ASAP3: variants seen among roughly 807,000 people sequenced by gnomAD.
ASAP3 encodes arf-GAP with SH3 domain, ANK repeat and PH domain-containing protein 3.
In ASAP3, 85 loss-of-function variants were observed where a neutral mutation model predicts 118.2. The observed-to-expected ratio is 0.72, with a 90% CI of 0.60 to 0.86. The LOEUF is 0.86. Ranked by LOEUF, ASAP3 falls within the 40% of genes least tolerant of loss-of-function variation. The probability of loss-of-function intolerance (pLI) is 0.00; values close to 1 mark genes in which losing one functional copy is unlikely to be tolerated. For missense variants in ASAP3, 1,026 were observed against 1,175.0 expected, an observed-to-expected ratio of 0.87 and a Z score of 1.85; for synonymous variants, 432 against 477.4, an observed-to-expected ratio of 0.90 and a Z score of 1.24.
chr1:23,438,927 T>A lies in ASAP3; in HGVS notation c.1015-93A>T. 7.6e-7 allele frequency: 1 copy of A among 1,321,318 alleles called. No individual in the cohort carries two copies. The highest frequency in any genetic ancestry group is 1.8e-5 in the Admixed American group (1 of 55,508). 81.8% of individuals were successfully genotyped at this position (1,321,318 alleles called of 1,614,324 possible). ...TTCCCACTCTGTTAAATGGGCATAA[T>A]CATCCTGTTCCATTTGTGTTTCTCC... On this transcript the variant is annotated intron_variant, in intron 11 of 24. Coordinates refer to ENST00000336689, the MANE Select transcript of ASAP3 (RefSeq NM_017707.4). The surrounding 1 kb of genome is among the most constrained non-coding windows in gnomAD (Gnocchi z 4.9).
At chr1:23,453,862 A>G (rs1641300351) in intron 3 of ASAP3, among the ~76,000 whole-genome samples, 1 of 151,920 alleles carries the variant, frequency 6.6e-6, no homozygotes. Context: ...TCTCTCCCCC[A>G]CTAGACTGTG....
At chr1:23,471,943 C>A (rs1641973663) in intron 1 of ASAP3, among the ~76,000 whole-genome samples, 1 of 152,102 alleles carries the variant, frequency 6.6e-6, no homozygotes, top group Non-Finnish European at 1.5e-5. Flanking sequence ...ACAACCCAGA[C>A]AACACGGATG....
chr1:23,435,970 A>C lies in ASAP3; in HGVS notation c.1630T>G (p.Cys544Gly), dbSNP rs749884891. Residue 544 changes from cysteine to glycine, a missense_variant, in exon 17 of 25, where the codon TGC becomes GGC. By Grantham distance (159) the Cys-to-Gly change is radical. Coordinates refer to ENST00000336689, the MANE Select transcript of ASAP3 (RefSeq NM_017707.4). ...KYVEHRFARR[C>G]TPEPQRLWTA... is the part of the protein sequence containing the mutation. ...CAGAGTCGCTGAGGCTCAGGTGTGC[A>C]CCGGCGTGCAAACCTATGCTCCACA... 6.2e-6 allele frequency: 10 copies of C among 1,614,150 alleles called. No individual in the cohort carries two copies. The highest frequency in any genetic ancestry group is 7.6e-6 in the Non-Finnish European group (9 of 1,180,050).
At chr1:23,441,510 C>A (rs533041429) in intron 8 of ASAP3, 37 bp from the exon 9 acceptor site, 2 of 1,611,790 alleles carry the variant, frequency 1.2e-6, no homozygotes, top group African/African-American at 2.7e-5. Context: ...CACCAGCCAA[C>A]AAATATGTCA....
At position 23,441,492 on chromosome 1, in the gene ASAP3, G is replaced by C; in HGVS notation, c.748-19C>G. 1 of 1,613,496 alleles carries C rather than the reference G, an allele frequency of 6.2e-7. No homozygotes were observed. The highest frequency in any genetic ancestry group is 8.5e-7 in the Non-Finnish European group (1 of 1,179,598). On this transcript the variant is annotated intron_variant, in intron 8 of 24. Coordinates refer to ENST00000336689, the MANE Select transcript of ASAP3 (RefSeq NM_017707.4). The stretch of plus-strand genomic sequence containing the variant: ...GATGGAGCTATGGGACAGAGGATGG[G>C]ATCCCATCACCAGCCAACAAATATG...
At position 23,436,841 on chromosome 1, in the gene ASAP3, C is replaced by A; in HGVS notation, c.1476+70G>T. 1.3e-6 allele frequency: 2 copies of A among 1,570,482 alleles called. No homozygotes were observed. Among genetic ancestry groups the A allele is most frequent in the South Asian group, 2.4e-5 (2 of 84,714 alleles). On this transcript the variant is annotated intron_variant, in intron 15 of 24. Coordinates refer to ENST00000336689, the MANE Select transcript of ASAP3 (RefSeq NM_017707.4). The surrounding 1 kb of genome is among the most constrained non-coding windows in gnomAD (Gnocchi z 4.2). ...CCAGGTCCCACCCACAACCTGCAAG[C>A]CCCGCCCCCGGATGAAACTACACCC...
In ASAP3 at chr1:23,441,757, G is replaced by A. The variant is rs371089923; in HGVS notation, c.672-27C>T. The A allele has an allele frequency of 2.5e-5, 41 of 1,612,762 alleles. No individual in the cohort carries two copies. In the African/African-American group the frequency reaches 4.8e-4, roughly 19 times the overall value. On this transcript the variant is annotated intron_variant, in intron 7 of 24. Transcript: ENST00000336689. Reference sequence around the variant, plus strand: ...TAAGAGGTGTCAGAGGCCAAACAAGGGTCCAGATAAAGATGGAAATGAGAG... The same window carrying A: ...TAAGAGGTGTCAGAGGCCAAACAAGAGTCCAGATAAAGATGGAAATGAGAG...
At chr1:23,448,016 TC>T (rs1641101227) in intron 5 of ASAP3, among the ~76,000 whole-genome samples, 1 of 152,208 alleles carries the variant, frequency 6.6e-6, no homozygotes, top group African/African-American at 2.4e-5. Context: ...TCCCATTCCT[TC>T]CCTATCCTCA....
chr1:23,452,469 G>A (rs986665777), intron 4 of ASAP3, among the ~76,000 whole-genome samples: 4 of 152,122 alleles, frequency 2.6e-5, no homozygotes, highest in African/African-American at 9.7e-5. Flanking sequence ...CTCATAGGAT[G>A]GTTGTAAGAT....
chr1:23,460,946 T>G (rs1173583960), intron 1 of ASAP3, among the ~76,000 whole-genome samples: 7 of 152,092 alleles, frequency 4.6e-5, no homozygotes, highest in African/African-American at 1.4e-4. Context: ...CATCACTAAG[T>G]GAAAGAAGCC....
intron 3 of ASAP3, among the ~76,000 whole-genome samples, chr1:23,453,727 C>G (rs971907932): frequency 6.6e-6 from 1 of 152,192 alleles, no homozygotes; most frequent in Non-Finnish European, 1.5e-5. Context: ...CTCCTCCCGC[C>G]TGGTCTATGC....
intron 3 of ASAP3, among the ~76,000 whole-genome samples, chr1:23,454,319 T>C (rs1641316472): frequency 6.6e-6 from 1 of 152,066 alleles, no homozygotes; most frequent in African/African-American, 2.4e-5. Context: ...CCTGAGTAGC[T>C]GGGATTACAG....
chr1:23,442,674 A>G, intron 5 of ASAP3, 62 bp from the exon 6 acceptor site: 1 of 1,571,542 alleles, frequency 6.4e-7, no homozygotes, highest in Non-Finnish European at 8.6e-7. Flanking sequence ...CTCTTCTGCC[A>G]AGGATGCATG....
At chr1:23,456,282 C>T in intron 1 of ASAP3, 88 bp from the exon 2 acceptor site, 1 of 1,233,064 alleles carries the variant, frequency 8.1e-7, no homozygotes, top group Non-Finnish European at 1.2e-6. Flanking sequence ...ATTTCCACCC[C>T]CCAACCGCCC....
At chr1:23,482,906 C>G (rs1226990175) in intron 1 of ASAP3, among the ~76,000 whole-genome samples, 2 of 151,356 alleles carry the variant, frequency 1.3e-5, no homozygotes, top group East Asian at 1.9e-4. Context: ...GAGCCAAGAT[C>G]GCGTCACTGC....
Position 23,438,683 on chromosome 1 carries a change from T to C in ASAP3, c.1102+64A>G. On this transcript the variant is annotated intron_variant, in intron 12 of 24. Coordinates refer to ENST00000336689, the MANE Select transcript of ASAP3 (RefSeq NM_017707.4). This position sits in a 1 kb window ranked among gnomAD's most constrained non-coding sequence, Gnocchi z 4.9. ...CCCCTCACTGAAGCCCCCCGGGAGCTGACAGGTGTCTTAGAGAAGCCCTGA... is the reference window on the plus strand; with the variant it reads ...CCCCTCACTGAAGCCCCCCGGGAGCCGACAGGTGTCTTAGAGAAGCCCTGA... 1 of 1,491,160 alleles carries C rather than the reference T, an allele frequency of 6.7e-7. No individual in the cohort carries two copies. Among genetic ancestry groups the C allele is most frequent in the Non-Finnish European group, 9.3e-7 (1 of 1,071,504 alleles). 92.4% of individuals were successfully genotyped at this position (1,491,160 alleles called of 1,614,324 possible).
At position 23,436,784 on chromosome 1, in the gene ASAP3, C is replaced by T; in HGVS notation, c.1476+127G>A. 1 of 1,536,878 alleles carries T rather than the reference C, an allele frequency of 6.5e-7. No individual in the cohort carries two copies. The highest frequency in any genetic ancestry group is 1.2e-5 in the South Asian group (1 of 81,264). Reference sequence around the variant, plus strand: ...CCGGTTCAGGCCCCGCCCCTGACCACCCGCTACCTGGCTTGTCCCAGCCCA... The same window carrying T: ...CCGGTTCAGGCCCCGCCCCTGACCATCCGCTACCTGGCTTGTCCCAGCCCA... On this transcript the variant is annotated intron_variant, in intron 15 of 24. Coordinates refer to ENST00000336689, the MANE Select transcript of ASAP3 (RefSeq NM_017707.4). This position sits in a 1 kb window ranked among gnomAD's most constrained non-coding sequence, Gnocchi z 4.2.
intron 1 of ASAP3, among the ~76,000 whole-genome samples, chr1:23,459,367 C>A (rs1464064774): frequency 6.6e-6 from 1 of 152,028 alleles, no homozygotes; most frequent in Non-Finnish European, 1.5e-5. Flanking sequence ...AGGAGTCTTC[C>A]CATCCCATGA....
Position 23,456,052 on chromosome 1 carries a change from G to C in ASAP3, c.203-26C>G, listed in dbSNP as rs753531479. 5.6e-6 allele frequency: 9 copies of C among 1,614,118 alleles called. No homozygotes were observed. The Admixed American group carries it at 1.3e-4, about 24-fold the overall frequency. ...CTGTGGAGGTACAGACGGGAGCTTG[G>C]AGTTAGCTCCAGGCTGGGGCTGGGA... On this transcript the variant is annotated intron_variant, in intron 2 of 24. Coordinates refer to ENST00000336689, the MANE Select transcript of ASAP3 (RefSeq NM_017707.4).
Sources: allele counts gnomAD v4.1 joint callset (sites outside exome capture counted in the v4.1 genomes callset), GRCh38; gene constraint gnomAD v4.1.1; non-coding constraint Gnocchi (gnomAD v3.1); transcripts MANE v1.5; gene names NCBI Gene and HGNC (gene_info 2026-07-23, HGNC 2026-07-21).